MYO6: variants seen among roughly 807,000 people sequenced by gnomAD.
MYO6 encodes myosin VI.
MYO6 carries 74 observed loss-of-function variants against 178.7 expected under a neutral mutation model. The ratio of observed to expected loss-of-function variants is 0.41; its 90% CI spans 0.34 to 0.50. The LOEUF is 0.50. Ranked by LOEUF, MYO6 falls within the 20% of genes least tolerant of loss-of-function variation. The pLI is 0.09. For missense variants in MYO6, 1,330 were observed against 1,547.4 expected, an observed-to-expected ratio of 0.86 and a Z score of 2.36; for synonymous variants, 477 against 504.6, an observed-to-expected ratio of 0.95 and a Z score of 0.73.
At position 75,776,296 on chromosome 6, in the gene MYO6, T is replaced by G. The variant is rs1439510123; in HGVS notation, c.-48+26873T>G. Among the ~76,000 whole-genome samples, 13 of 152,214 alleles carry G rather than the reference T, an allele frequency of 8.5e-5. No individual in the cohort carries two copies. The East Asian group carries it at 1.7e-3, about 20-fold the overall frequency. On this transcript the variant is annotated intron_variant, in intron 1 of 34. Transcript: ENST00000369977. ...CAAATATAAATTCTAGGCCATCCTATCAACATAAAATTTCTCAGAGGTGGT... is the reference window on the plus strand; with the variant it reads ...CAAATATAAATTCTAGGCCATCCTAGCAACATAAAATTTCTCAGAGGTGGT...
rs1294884788 is a variant in MYO6, at chr6:75,807,195, G to A, written c.-47-10306G>A. Reference sequence around the variant, plus strand: ...TGCTTTGAGTGTTGTTGAAGCCATTGTGATTAATGATCCTTAGAAGGACCT... The same window carrying A: ...TGCTTTGAGTGTTGTTGAAGCCATTATGATTAATGATCCTTAGAAGGACCT... On this transcript the variant is annotated intron_variant, in intron 1 of 34. Coordinates refer to ENST00000369977, the MANE Select transcript of MYO6 (RefSeq NM_004999.4). 6.6e-5 allele frequency among the ~76,000 whole-genome samples: 10 copies of A among 152,310 alleles called. No individual in the cohort carries two copies. In the East Asian group the frequency reaches 1.9e-3, roughly 29 times the overall value.
chr6:75,751,555 C>A (rs1582953589), intron 1 of MYO6, among the ~76,000 whole-genome samples: 1 of 152,060 alleles, frequency 6.6e-6, no homozygotes, highest in African/African-American at 2.4e-5. Flanking sequence ...GATCGTAAAT[C>A]ATAACCAGTA....
intron 3 of MYO6, among the ~76,000 whole-genome samples, chr6:75,826,363 C>T (rs3798447): frequency 0.34 from 51,805 of 152,038 alleles, 9,659 homozygotes; most frequent in Admixed American, 0.48. Flanking sequence ...AACACACATC[C>T]CTGAAAAGGT....
rs775631232 is a variant in MYO6, at chr6:75,849,556, T to C, written c.1078+1025T>C. Among the ~76,000 whole-genome samples, 8 of 152,154 alleles carry C rather than the reference T, an allele frequency of 5.3e-5. No individual in the cohort carries two copies. The South Asian group carries it at 1.7e-3, about 32-fold the overall frequency. ...TTCTTGCCTTAGCCATGCCAAAGAA[T>C]TGGTGTGGTGGCTGCCTGCAGTGAG... On this transcript the variant is annotated intron_variant, in intron 11 of 34. Coordinates refer to ENST00000369977, the MANE Select transcript of MYO6 (RefSeq NM_004999.4).
chr6:75,829,109 G>T (rs746278332), intron 4 of MYO6, among the ~76,000 whole-genome samples: 32 of 152,074 alleles, frequency 2.1e-4, no homozygotes, highest in Non-Finnish European at 2.8e-4. Context: ...AAGAACACAG[G>T]AATGCTGACC....
At chr6:75,821,431 C>G (rs1326976700) in intron 2 of MYO6, among the ~76,000 whole-genome samples, 1 of 152,106 alleles carries the variant, frequency 6.6e-6, no homozygotes, top group East Asian at 1.9e-4. Context: ...ACTTAATGCA[C>G]ATGATGGGTT....
intron 34 of MYO6, 87 bp downstream of exon 34, chr6:75,914,368 A>T: frequency 7.6e-7 from 1 of 1,313,506 alleles, no homozygotes; most frequent in South Asian, 1.2e-5. Context: ...ATAATATAAT[A>T]ATTTATTACA....
Position 75,890,745 on chromosome 6 carries a change from T to G in MYO6, c.2867+480T>G, listed in dbSNP as rs72674543. On this transcript the variant is annotated intron_variant, in intron 26 of 34. Coordinates refer to ENST00000369977, the MANE Select transcript of MYO6 (RefSeq NM_004999.4). ...ATTTTATAATAGTGATACCATAAAATAATTTTAACTATAATCTGAATTTGT... is the reference window on the plus strand; with the variant it reads ...ATTTTATAATAGTGATACCATAAAAGAATTTTAACTATAATCTGAATTTGT... 0.013 allele frequency among the ~76,000 whole-genome samples: 1,998 copies of G among 152,330 alleles called. 75 individuals are homozygous for G. The East Asian group carries it at 0.15, about 11-fold the overall frequency.
chr6:75,764,484 C>G (rs1053501843), intron 1 of MYO6, among the ~76,000 whole-genome samples: 4 of 152,138 alleles, frequency 2.6e-5, no homozygotes. Flanking sequence ...TGGAATTACA[C>G]TGGTATTATA....
chr6:75,782,796 A>G (rs931957636), intron 1 of MYO6, among the ~76,000 whole-genome samples: 57 of 152,224 alleles, frequency 3.7e-4, no homozygotes. Flanking sequence ...CTGTCTGGCC[A>G]AGGATTCTGA....
At chr6:75,757,288 ATGTG>A (rs771222859) in intron 1 of MYO6, among the ~76,000 whole-genome samples, 49 of 148,922 alleles carry the variant, frequency 3.3e-4, no homozygotes, top group Admixed American at 6.7e-4. Context: ...TACACAATAT[ATGTG>A]TGTGTATGTA....
At position 75,857,129 on chromosome 6, in the gene MYO6, C is replaced by G; in HGVS notation, c.1256C>G (p.Ala419Gly). The G allele has an allele frequency of 1.9e-6, 3 of 1,614,006 alleles. No individual in the cohort carries two copies. Among genetic ancestry groups the G allele is most frequent in the Non-Finnish European group, 2.5e-6 (3 of 1,179,922 alleles). The change falls in exon 13 of 35, where the codon GCT becomes GGT. Residue 419 changes from alanine to glycine, a missense_variant. Physicochemically the swap from Ala to Gly is moderately conservative, Grantham distance 60. Coordinates refer to ENST00000369977, the MANE Select transcript of MYO6 (RefSeq NM_004999.4). ...VPLKVEQANN[A>G]RDALAKTVYS... ...CTGAAAGTGGAGCAAGCAAACAATG[C>G]TCGTGATGCCCTGGCAAAGACAGTG...
chr6:75,844,517 C>T (rs1031640612), intron 9 of MYO6, among the ~76,000 whole-genome samples: 1 of 152,000 alleles, frequency 6.6e-6, no homozygotes, highest in Admixed American at 6.6e-5. Flanking sequence ...TTAAACCATA[C>T]TATCGGTTCT....
chr6:75,835,967 T>G lies in MYO6; in HGVS notation c.553+11T>G. On this transcript the variant is annotated intron_variant, in intron 7 of 34. Transcript: ENST00000369977. ...ACAGAATTGTTGAAGGTATTGCTAATTTTTCAGTTGTTACGCGTGTACTGA... is the reference window on the plus strand; with the variant it reads ...ACAGAATTGTTGAAGGTATTGCTAAGTTTTCAGTTGTTACGCGTGTACTGA... 1 of 1,587,146 alleles carries G rather than the reference T, an allele frequency of 6.3e-7. No homozygotes were observed. Among genetic ancestry groups the G allele is most frequent in the South Asian group, 1.1e-5 (1 of 90,594 alleles).
chr6:75,813,335 G>A (rs1451082914), intron 1 of MYO6, among the ~76,000 whole-genome samples: 1 of 152,116 alleles, frequency 6.6e-6, no homozygotes, highest in Non-Finnish European at 1.5e-5. Context: ...GGCAAGTACA[G>A]CCTGGCTACT....
intron 30 of MYO6, among the ~76,000 whole-genome samples, chr6:75,905,635 A>G (rs1168904246): frequency 6.6e-6 from 1 of 152,226 alleles, no homozygotes; most frequent in Non-Finnish European, 1.5e-5. Context: ...CCCTAGTGAG[A>G]TGAACCTGGT....
At chr6:75,858,117 C>T (rs1384624168) in intron 13 of MYO6, among the ~76,000 whole-genome samples, 2 of 151,654 alleles carry the variant, frequency 1.3e-5, no homozygotes, top group Admixed American at 6.6e-5. Context: ...ATAACACATA[C>T]AAAGGATTAT....
chr6:75,799,478 A>G (rs1383161262), intron 1 of MYO6, among the ~76,000 whole-genome samples: 3 of 152,156 alleles, frequency 2.0e-5, no homozygotes, highest in African/African-American at 4.8e-5. Context: ...TGTAGGCAAG[A>G]GAGTCTCATT....
chr6:75,787,257 C>G (rs1041216034), intron 1 of MYO6, among the ~76,000 whole-genome samples: 1 of 152,122 alleles, frequency 6.6e-6, no homozygotes, highest in African/African-American at 2.4e-5. Context: ...AGGTATTTAT[C>G]CAAGAGCAAT....
Sources: allele counts gnomAD v4.1 joint callset (sites outside exome capture counted in the v4.1 genomes callset), GRCh38; gene constraint gnomAD v4.1.1; transcripts MANE v1.5; gene names NCBI Gene and HGNC (gene_info 2026-07-23, HGNC 2026-07-21).